TAOK1: variants seen among roughly 807,000 people sequenced by gnomAD.
The protein encoded by TAOK1 is serine/threonine-protein kinase TAO1.
TAOK1 carries 21 observed loss-of-function variants against 138.3 expected under a neutral mutation model. That is an observed-to-expected ratio of 0.15 (90% confidence interval 0.11 to 0.22). The LOEUF (loss-of-function observed/expected upper bound fraction) is 0.22, where lower values mean the gene tolerates loss of function less well. Among genes scored for constraint, TAOK1 ranks in the 10% least tolerant of loss-of-function variants. The pLI is 1.00. For synonymous variants in TAOK1, 361 were observed against 398.4 expected (o/e 0.91, Z 1.12); for missense variants, 651 against 1,227.7 (o/e 0.53, Z 7.02).
chr17:29,531,688 C>T (rs1217850091), intron 18 of TAOK1, among the ~76,000 whole-genome samples: 1 of 150,006 alleles, frequency 6.7e-6, no homozygotes, highest in Non-Finnish European at 1.5e-5. Flanking sequence ...ACCTGAACCC[C>T]GGGGGCAGAG....
At chr17:29,492,317 T>C (rs970826642) in intron 10 of TAOK1, among the ~76,000 whole-genome samples, 4 of 152,260 alleles carry the variant, frequency 2.6e-5, no homozygotes, top group Non-Finnish European at 5.9e-5. Context: ...TTGTTTCTGA[T>C]AACTTTTCTT....
At chr17:29,497,618 G>C (rs1232197756) in intron 11 of TAOK1, among the ~76,000 whole-genome samples, 2 of 150,214 alleles carry the variant, frequency 1.3e-5, no homozygotes, top group African/African-American at 4.9e-5. Flanking sequence ...AATATAATAT[G>C]TAATTGTTAG....
intron 19 of TAOK1, among the ~76,000 whole-genome samples, chr17:29,534,928 G>GGGGTGTGTGT (rs746742307): frequency 1.4e-5 from 2 of 147,222 alleles, no homozygotes; most frequent in African/African-American, 5.0e-5. Flanking sequence ...AGGATACTAA[G>GGGGTGTGTGT]GTGTGTGTGT....
At chr17:29,398,233 A>G (rs909930828) in intron 1 of TAOK1, among the ~76,000 whole-genome samples, 5 of 151,426 alleles carry the variant, frequency 3.3e-5, no homozygotes, top group African/African-American at 9.7e-5. Context: ...TTGAGACGGA[A>G]TTTTGCTCTT....
At chr17:29,517,780 C>G in intron 16 of TAOK1, 124 bp downstream of exon 16, 1 of 833,004 alleles carries the variant, frequency 1.2e-6, no homozygotes, top group Non-Finnish European at 1.8e-6. Context: ...ATCATTCTTC[C>G]CCAGATATTC....
intron 13 of TAOK1, 50 bp downstream of exon 13, chr17:29,502,773 TGGCAATATAAACTCAA>T: frequency 6.3e-7 from 1 of 1,581,838 alleles, no homozygotes; most frequent in Non-Finnish European, 8.6e-7. Flanking sequence ...TGTGGGACCT[TGGCAATATAAACTCAA>T]GTATAGCTAT....
intron 1 of TAOK1, among the ~76,000 whole-genome samples, chr17:29,393,999 A>C: frequency 6.6e-6 from 1 of 152,020 alleles, no homozygotes; most frequent in Non-Finnish European, 1.5e-5. Context: ...TATAAAATAA[A>C]CTTTCTGTAT....
chr17:29,398,638 T>G (rs1904737019), intron 1 of TAOK1, among the ~76,000 whole-genome samples: 1 of 151,970 alleles, frequency 6.6e-6, no homozygotes, highest in Admixed American at 6.6e-5. Context: ...CAAGTGATTC[T>G]CCTGCCTCAG....
chr17:29,415,007 A>G (rs1370462405), intron 1 of TAOK1, among the ~76,000 whole-genome samples: 5 of 151,330 alleles, frequency 3.3e-5, no homozygotes, highest in African/African-American at 1.2e-4. Flanking sequence ...TCTGTTGCCC[A>G]GGTTGGAGTG....
intron 1 of TAOK1, among the ~76,000 whole-genome samples, chr17:29,398,205 C>A (rs535161125): frequency 6.6e-6 from 1 of 151,652 alleles, no homozygotes; most frequent in Non-Finnish European, 1.5e-5. Flanking sequence ...TATGCCTCAC[C>A]TTTTCTTTTC....
chr17:29,418,512 G>A (rs542089070), intron 1 of TAOK1, among the ~76,000 whole-genome samples: 1 of 152,000 alleles, frequency 6.6e-6, no homozygotes, highest in Non-Finnish European at 1.5e-5. Flanking sequence ...GCCTATCATA[G>A]CTTTATATAG....
rs1904936858 is a variant in TAOK1, at chr17:29,404,472, G to A, written c.-95+13448G>A. Among the ~76,000 whole-genome samples, 3 of 152,112 alleles carry A rather than the reference G, an allele frequency of 2.0e-5. No homozygotes were observed. In the South Asian group the frequency reaches 6.2e-4, roughly 32 times the overall value. ...CCACCACACCTGGCCTGAAATATTT[G>A]CTAAAATAAGTAAAATAACTATGAT... is the stretch of plus-strand genomic sequence containing the variant. On this transcript the variant is annotated intron_variant, in intron 1 of 19. Transcript: ENST00000261716.
intron 1 of TAOK1, among the ~76,000 whole-genome samples, chr17:29,414,594 T>C (rs1905224263): frequency 6.6e-6 from 1 of 151,092 alleles, no homozygotes; most frequent in Non-Finnish European, 1.5e-5. Flanking sequence ...TCTCACTCTG[T>C]CACCGAGGCT....
rs528133367 is a variant in TAOK1 at position 29,493,398 on chromosome 17, G to C, written c.831+1533G>C. On this transcript the variant is annotated intron_variant, in intron 10 of 19. Coordinates refer to ENST00000261716, the MANE Select transcript of TAOK1 (RefSeq NM_020791.4). ...AATCCCAGCTACTCAGGAGGCTGAC[G>C]CAGGAGAATCGCTTGAACCCAGGAG... 1.1e-4 allele frequency among the ~76,000 whole-genome samples: 16 copies of C among 151,788 alleles called. No individual in the cohort carries two copies. In the East Asian group the frequency reaches 2.7e-3, roughly 26 times the overall value.
At chr17:29,494,074 G>A (rs2681178) in intron 10 of TAOK1, among the ~76,000 whole-genome samples, 57,487 of 151,772 alleles carry the variant, frequency 0.38, 12,087 homozygotes, top group Non-Finnish European at 0.48. Context: ...ATGCCTCCAC[G>A]TCCTGCTAAT....
At chr17:29,394,154 T>TGTTG (rs1567705449) in intron 1 of TAOK1, among the ~76,000 whole-genome samples, 1 of 94,938 alleles carries the variant, frequency 1.1e-5, no homozygotes, top group Non-Finnish European at 1.9e-5. Flanking sequence ...TTGCCAGTTT[T>TGTTG]TTTTTTTTTT....
chr17:29,434,507 C>T (rs1236825072), intron 1 of TAOK1, among the ~76,000 whole-genome samples: 2 of 151,428 alleles, frequency 1.3e-5, no homozygotes, highest in Non-Finnish European at 2.9e-5. Context: ...TGTCCTCTTT[C>T]AGTCTTCTGT....
At chr17:29,501,729 A>G (rs988286888) in intron 12 of TAOK1, among the ~76,000 whole-genome samples, 2 of 151,746 alleles carry the variant, frequency 1.3e-5, no homozygotes, top group African/African-American at 4.9e-5. Context: ...TTTGCATATA[A>G]TCGGTAGGAT....
intron 1 of TAOK1, among the ~76,000 whole-genome samples, chr17:29,443,167 C>G (rs935976708): frequency 6.6e-6 from 1 of 152,134 alleles, no homozygotes; most frequent in African/African-American, 2.4e-5. Flanking sequence ...GAGAAAAGGG[C>G]TTTATAATAT....
Sources: gnomAD v4.1 joint callset for allele counts (sites outside exome capture counted in the v4.1 genomes callset) on GRCh38, gnomAD v4.1.1 for gene constraint, MANE v1.5 for transcripts, NCBI Gene and HGNC (gene_info 2026-07-23, HGNC 2026-07-21) for gene names.